Variants in CCDC148 observed in about 807,000 individuals in gnomAD.
The protein encoded by CCDC148 is coiled-coil domain containing 148, also known as coiled-coil domain-containing protein 148.
CCDC148 carries 89 observed loss-of-function variants against 85.7 expected under a neutral mutation model. That is an observed-to-expected ratio of 1.04 (90% CI 0.87 to 1.24). CCDC148 has a LOEUF of 1.24. Among genes scored for constraint, CCDC148 ranks in the 50% most tolerant of loss-of-function variants. CCDC148 has a pLI of 0.00. For synonymous variants in CCDC148, 230 were observed against 213.9 expected (o/e 1.08, Z -0.66); for missense variants, 692 against 671.7 (o/e 1.03, Z -0.33).
At chr2:158,234,348 T>A (rs890444853) in intron 10 of CCDC148, among the ~76,000 whole-genome samples, 1 of 152,196 alleles carries the variant, frequency 6.6e-6, no homozygotes, top group Non-Finnish European at 1.5e-5. Flanking sequence ...CTCCTTTCAG[T>A]CTGCAATTAA....
intron 9 of CCDC148, among the ~76,000 whole-genome samples, chr2:158,279,191 G>C (rs1381334356): frequency 6.6e-6 from 1 of 152,156 alleles, no homozygotes; most frequent in Non-Finnish European, 1.5e-5. Context: ...AAACAGAGCA[G>C]AAAAACTGGA....
chr2:158,354,396 C>A (rs1441922702), intron 2 of CCDC148, among the ~76,000 whole-genome samples: 28 of 151,888 alleles, frequency 1.8e-4, no homozygotes, highest in East Asian at 1.7e-3. Flanking sequence ...TAAAGGGGAT[C>A]TCACCACCGA....
chr2:158,183,231 C>A lies in CCDC148; in HGVS notation c.1371-4235G>T, dbSNP rs185848755. Among the ~76,000 whole-genome samples, 48 of 152,234 alleles carry A rather than the reference C, an allele frequency of 3.2e-4. No homozygotes were observed. In the East Asian group the frequency reaches 7.9e-3, roughly 25 times the overall value. On this transcript the variant is annotated intron_variant, in intron 11 of 13. Transcript: ENST00000283233. ...TAATCTGGAAAGGATTTTATTTAAG[C>A]CTCCAGGCCTGAGTGTAGTTGAAGG...
chr2:158,346,087 A>C (rs537853708), intron 2 of CCDC148, among the ~76,000 whole-genome samples: 1 of 152,322 alleles, frequency 6.6e-6, no homozygotes, highest in Non-Finnish European at 1.5e-5. Flanking sequence ...GCACATAATT[A>C]ATGATTTTGA....
intron 1 of CCDC148, among the ~76,000 whole-genome samples, chr2:158,385,015 C>T (rs1325228947): frequency 1.3e-5 from 2 of 151,008 alleles, no homozygotes; most frequent in South Asian, 2.1e-4. Flanking sequence ...GACTGAAGGT[C>T]CCCCCACTTC....
At chr2:158,397,337 A>G (rs1266430327) in intron 1 of CCDC148, among the ~76,000 whole-genome samples, 1 of 152,156 alleles carries the variant, frequency 6.6e-6, no homozygotes, top group Non-Finnish European at 1.5e-5. Context: ...CAGATTCACC[A>G]AGGTGGAAAT....
intron 9 of CCDC148, among the ~76,000 whole-genome samples, chr2:158,283,158 C>G (rs1216850429): frequency 6.6e-6 from 1 of 152,164 alleles, no homozygotes; most frequent in Non-Finnish European, 1.5e-5. Flanking sequence ...AAACGTTAGA[C>G]CTAAAACCAT....
At chr2:158,431,245 C>T (rs1687333826) in intron 1 of CCDC148, among the ~76,000 whole-genome samples, 1 of 149,722 alleles carries the variant, frequency 6.7e-6, no homozygotes, top group South Asian at 2.2e-4. Context: ...AACCACAAAC[C>T]AGGAATTACA....
chr2:158,324,477 T>C (rs1692672072), intron 7 of CCDC148, among the ~76,000 whole-genome samples: 1 of 152,150 alleles, frequency 6.6e-6, no homozygotes, highest in Admixed American at 6.5e-5. Context: ...TCATTCCCTA[T>C]TTGCTGGCTC....
intron 1 of CCDC148, among the ~76,000 whole-genome samples, chr2:158,412,826 TTTATTA>T (rs70994204): frequency 0.45 from 62,114 of 138,496 alleles, 13,585 homozygotes; most frequent in South Asian, 0.54. Context: ...AATATAAGTA[TTTATTA>T]TTATTATTAT....
intron 1 of CCDC148, among the ~76,000 whole-genome samples, chr2:158,364,317 C>T (rs183801939): frequency 3.5e-3 from 530 of 152,226 alleles, no homozygotes; most frequent in African/African-American, 0.012. Context: ...CTACTTTAAA[C>T]TTTATATGGA....
At chr2:158,369,295 C>T (rs1684335833) in intron 1 of CCDC148, among the ~76,000 whole-genome samples, 1 of 152,068 alleles carries the variant, frequency 6.6e-6, no homozygotes, top group South Asian at 2.1e-4. Context: ...TTGATTCCTC[C>T]TATCCATGAG....
chr2:158,240,649 G>T (rs1688317033), intron 10 of CCDC148, among the ~76,000 whole-genome samples: 2 of 152,020 alleles, frequency 1.3e-5, no homozygotes, highest in Admixed American at 1.3e-4. Flanking sequence ...GCAGCACTCT[G>T]ATTTTCCCAC....
At chr2:158,325,783 C>T (rs1336407806) in intron 7 of CCDC148, among the ~76,000 whole-genome samples, 2 of 152,164 alleles carry the variant, frequency 1.3e-5, no homozygotes, top group Non-Finnish European at 2.9e-5. Context: ...CAAAAAGCAA[C>T]TATTTGGAAC....
intron 1 of CCDC148, among the ~76,000 whole-genome samples, chr2:158,363,113 C>T (rs772972048): frequency 3.9e-5 from 6 of 152,130 alleles, no homozygotes; most frequent in Non-Finnish European, 8.8e-5. Flanking sequence ...TAAGTCTAAA[C>T]CAGGAAGAAG....
At chr2:158,219,983 T>C (rs1687089408) in intron 11 of CCDC148, among the ~76,000 whole-genome samples, 2 of 152,214 alleles carry the variant, frequency 1.3e-5, no homozygotes, top group South Asian at 2.1e-4. Flanking sequence ...CAAATTACTA[T>C]ATGTTTTTTG....
chr2:158,377,663 C>A (rs1043922688), intron 1 of CCDC148, among the ~76,000 whole-genome samples: 1 of 152,014 alleles, frequency 6.6e-6, no homozygotes, highest in African/African-American at 2.4e-5. Context: ...CAACCCTGTG[C>A]CAAGCAAGCC....
At chr2:158,287,794 C>T (rs888390733) in intron 9 of CCDC148, among the ~76,000 whole-genome samples, 7 of 152,204 alleles carry the variant, frequency 4.6e-5, no homozygotes, top group African/African-American at 1.7e-4. Context: ...GATGATGACC[C>T]TTTTCTCACA....
At chr2:158,386,165 A>G (rs1186197016) in intron 1 of CCDC148, among the ~76,000 whole-genome samples, 1 of 152,122 alleles carries the variant, frequency 6.6e-6, no homozygotes, top group Non-Finnish European at 1.5e-5. Context: ...CCAAGAGAGC[A>G]CCTGTTGCAT....
Sources: allele counts gnomAD v4.1 joint callset (sites outside exome capture counted in the v4.1 genomes callset), GRCh38; gene constraint gnomAD v4.1.1; transcripts MANE v1.5; gene names NCBI Gene and HGNC (gene_info 2026-07-23, HGNC 2026-07-21).